Variants in HK1 observed in about 807,000 individuals in gnomAD.
HK1 encodes the protein hexokinase-1.
In HK1, 28 loss-of-function variants were observed where a neutral mutation model predicts 91.6. The ratio of observed to expected loss-of-function variants is 0.31; its 90% CI spans 0.23 to 0.42. The LOEUF is 0.42. HK1 is among the 10% of genes least tolerant of loss of function. HK1 has a pLI of 1.00. For synonymous variants in HK1, 430 were observed against 468.1 expected (o/e 0.92, Z 1.05); for missense variants, 770 against 1,219.8 (o/e 0.63, Z 5.49).
At chr10:69,377,146 G>A in intron 8 of HK1, 57 bp downstream of exon 8, 1 of 1,601,054 alleles carries the variant, frequency 6.2e-7, no homozygotes, top group East Asian at 2.2e-5. Context: ...AGAGCAATTG[G>A]TCCCTTGTTA....
intron 2 of HK1, among the ~76,000 whole-genome samples, chr10:69,283,111 C>G (rs1250082696): frequency 5.8e-5 from 5 of 86,276 alleles, no homozygotes; most frequent in Non-Finnish European, 8.7e-5. Flanking sequence ...GTGACAAGAG[C>G]GAAACTCAGT....
chr10:69,390,721 G>A (rs531608602), intron 14 of HK1, among the ~76,000 whole-genome samples: 2 of 152,306 alleles, frequency 1.3e-5, no homozygotes, highest in South Asian at 2.1e-4. Context: ...ATGGGTGGAT[G>A]GTGCTCCTGG....
intron 3 of HK1, among the ~76,000 whole-genome samples, chr10:69,293,325 A>G (rs1387481110): frequency 1.3e-5 from 2 of 152,166 alleles, no homozygotes; most frequent in Non-Finnish European, 2.9e-5. Flanking sequence ...TTCACCTCCA[A>G]TAGGTCTAGG....
At chr10:69,318,737 G>C, upstream of HK1, 1 of 919,700 alleles carries the variant, frequency 1.1e-6, no homozygotes, top group Non-Finnish European at 1.5e-6. Context: ...CGTGGAGGAG[G>C]TGGGTCGGCT....
chr10:69,369,666 G>T lies in HK1; in HGVS notation c.875+42G>T. The T allele has an allele frequency of 6.5e-7, 1 of 1,546,686 alleles. No individual in the cohort carries two copies. Among genetic ancestry groups the T allele is most frequent in the South Asian group, 1.1e-5 (1 of 88,160 alleles). ...TGCTTCTAACCACATATGTGAGTTA[G>T]GGGACATTTGATGAAAGATTTGGGA... is the stretch of plus-strand genomic sequence containing the variant. On this transcript the variant is annotated intron_variant, in intron 7 of 17. Coordinates refer to ENST00000359426, the MANE Select transcript of HK1 (RefSeq NM_000188.3). The surrounding 1 kb of genome is among the most constrained non-coding windows in gnomAD (Gnocchi z 4.4).
upstream of HK1, chr10:69,318,011 C>G: frequency 1.0e-6 from 1 of 980,270 alleles, no homozygotes; most frequent in Non-Finnish European, 1.2e-6. Context: ...CCCAGTGGGC[C>G]TGGATGCCCA....
At chr10:69,312,138 A>G (rs1429863564), upstream of HK1, among the ~76,000 whole-genome samples, 3 of 152,256 alleles carry the variant, frequency 2.0e-5, no homozygotes, top group Admixed American at 2.0e-4. Flanking sequence ...AAAAGTCAAC[A>G]GACAAAAGAC....
At chr10:69,338,826 T>C in intron 1 of HK1, 1 of 523,214 alleles carries the variant, frequency 1.9e-6, no homozygotes, top group Non-Finnish European at 2.9e-6. Context: ...AGGAGGAGAG[T>C]AAAGATCTGG....
intron 2 of HK1, among the ~76,000 whole-genome samples, chr10:69,345,450 C>T (rs1472949315): frequency 6.6e-6 from 1 of 152,242 alleles, no homozygotes; most frequent in Middle Eastern, 3.4e-3. Flanking sequence ...CCATGGATGT[C>T]ACCTACAGCC....
intron 1 of HK1, among the ~76,000 whole-genome samples, chr10:69,331,082 G>T (rs894509555): frequency 6.6e-6 from 1 of 152,010 alleles, no homozygotes; most frequent in Non-Finnish European, 1.5e-5. Context: ...GTTTCACCAT[G>T]TTGACTAGAC....
rs1401545390 is a variant in HK1, at chr10:69,382,785, G to A, written c.1564G>A (p.Gly522Arg). The A allele has an allele frequency of 1.9e-6, 3 of 1,610,850 alleles. No individual in the cohort carries two copies. The highest frequency in any genetic ancestry group is 2.2e-5 in the East Asian group (1 of 44,770). ...LPSFVRRTPD[G>R]TENGDFLALD... ...CTCCTTCGTCCGGAGAACTCCCGAC[G>A]GGACCGGTGAGGGCCTGCTGGGGGC... Residue 522 changes from glycine to arginine, a missense_variant, in exon 10 of 18, where the codon GGG becomes AGG. Gly to Arg is a moderately radical substitution (Grantham distance 125, BLOSUM62 -2). This residue lies in a region of HK1 where 48 missense variants were observed against 128.2 expected (regional missense o/e 0.37). Transcript: ENST00000359426.
At chr10:69,282,976 AT>A (rs1242373295) in intron 2 of HK1, among the ~76,000 whole-genome samples, 1 of 137,868 alleles carries the variant, frequency 7.3e-6, no homozygotes, top group African/African-American at 2.6e-5. Flanking sequence ...AAAAAAAAAA[AT>A]TAGCTGGGTA....
intron 12 of HK1, among the ~76,000 whole-genome samples, chr10:69,385,609 G>A (rs1839595209): frequency 6.6e-6 from 1 of 152,230 alleles, no homozygotes; most frequent in Non-Finnish European, 1.5e-5. Context: ...TGTCACAGGT[G>A]GAGACGTGAC....
intron 1 of HK1, among the ~76,000 whole-genome samples, chr10:69,342,043 G>C (rs1165803817): frequency 6.6e-6 from 1 of 152,138 alleles, no homozygotes; most frequent in Non-Finnish European, 1.5e-5. Context: ...AGCCACTCAG[G>C]AGGCTGAGGC....
chr10:69,327,000 CTTTTTT>C (rs1042738695), intron 1 of HK1, among the ~76,000 whole-genome samples: 3 of 110,926 alleles, frequency 2.7e-5, no homozygotes, highest in African/African-American at 1.0e-4. Context: ...TGGTTTTAAA[CTTTTTT>C]TTTTTTTTTT....
chr10:69,335,952 A>T (rs902008794), intron 1 of HK1, among the ~76,000 whole-genome samples: 19 of 152,204 alleles, frequency 1.2e-4, no homozygotes, highest in Non-Finnish European at 2.1e-4. Flanking sequence ...GTTTTTAAAG[A>T]AAAAAGTGTT....
intron 3 of HK1, among the ~76,000 whole-genome samples, chr10:69,292,858 T>C (rs1214134522): frequency 2.0e-5 from 3 of 152,162 alleles, no homozygotes; most frequent in African/African-American, 7.2e-5. Flanking sequence ...GTCACCAATA[T>C]ACTTGAGTTT....
chr10:69,400,921 T>C, intron 17 of HK1, 70 bp from the exon 18 acceptor site: 2 of 1,534,696 alleles, frequency 1.3e-6, no homozygotes, highest in Non-Finnish European at 1.8e-6. Context: ...GTCTGTGCTT[T>C]GGTGTTTTCG....
intron 5 of HK1, among the ~76,000 whole-genome samples, chr10:69,309,470 C>T (rs1173573525): frequency 2.3e-5 from 3 of 133,184 alleles, no homozygotes. Context: ...TGTGAGCCAC[C>T]GCGCCTGGCA....
Sources: allele counts gnomAD v4.1 joint callset (sites outside exome capture counted in the v4.1 genomes callset), GRCh38; gene constraint gnomAD v4.1.1; regional missense constraint gnomAD v4.1.1; non-coding constraint Gnocchi (gnomAD v3.1); transcripts MANE v1.5; gene names NCBI Gene and HGNC (gene_info 2026-07-23, HGNC 2026-07-21).